IL1RAPL1: variants seen among roughly 807,000 people sequenced by gnomAD.
IL1RAPL1 encodes interleukin 1 receptor accessory protein like 1, also known as interleukin-1 receptor accessory protein-like 1.
IL1RAPL1 carries 3 observed loss-of-function variants against 48.4 expected under a neutral mutation model. The ratio of observed to expected loss-of-function variants is 0.06; its 90% CI spans 0.03 to 0.16. The LOEUF (loss-of-function observed/expected upper bound fraction) is 0.16. IL1RAPL1 is among the 10% of genes least tolerant of loss of function. The pLI, the probability that IL1RAPL1 is intolerant of heterozygous loss-of-function variation, is 1.00. For missense variants in IL1RAPL1, 349 were observed against 530.6 expected (o/e 0.66, Z 3.36); for synonymous variants, 185 against 187.7 (o/e 0.99, Z 0.12).
At chrX:29,271,441 C>T (rs1409602817) in intron 2 of IL1RAPL1, among the ~76,000 whole-genome samples, 1 of 112,522 alleles carries the variant, frequency 8.9e-6, no homozygotes. Context: ...AATCACCACA[C>T]TGCTTTCCAC....
intron 2 of IL1RAPL1, among the ~76,000 whole-genome samples, chrX:29,265,615 TC>T (rs1454120686): frequency 1.8e-5 from 1 of 54,232 alleles, no homozygotes; most frequent in Non-Finnish European, 3.2e-5. Flanking sequence ...ATGCTATCCC[TC>T]CCCCCTCCCC....
At chrX:29,489,533 T>C (rs974290077) in intron 5 of IL1RAPL1, among the ~76,000 whole-genome samples, 1 of 112,273 alleles carries the variant, frequency 8.9e-6, no homozygotes, top group Non-Finnish European at 1.9e-5. Context: ...TTTTACAGAA[T>C]GACAAATGTG....
chrX:29,584,887 A>G (rs111289553), intron 5 of IL1RAPL1, among the ~76,000 whole-genome samples: 15 of 111,979 alleles, frequency 1.3e-4, no homozygotes, highest in Admixed American at 2.8e-4. Context: ...CACTTCACAC[A>G]CAGCTGATCA....
At chrX:29,018,790 A>G (rs112041414) in intron 2 of IL1RAPL1, among the ~76,000 whole-genome samples, 1,339 of 111,993 alleles carry the variant, frequency 0.012, 23 homozygotes, top group African/African-American at 0.042. Context: ...ACAGGCCTAG[A>G]CACAAACCAC....
intron 1 of IL1RAPL1, among the ~76,000 whole-genome samples, chrX:28,737,170 C>T (rs1569161825): frequency 3.8e-4 from 14 of 36,680 alleles, no homozygotes; most frequent in African/African-American, 1.3e-3. Flanking sequence ...TCCTTCCTTC[C>T]TTCCTTCCTT....
At chrX:29,048,278 T>C (rs765926801) in intron 2 of IL1RAPL1, among the ~76,000 whole-genome samples, 3 of 112,362 alleles carry the variant, frequency 2.7e-5, no homozygotes, top group Non-Finnish European at 5.6e-5. Context: ...ACCATCCTAC[T>C]AATAAATATG....
At chrX:29,694,037 C>T (rs778313056) in intron 6 of IL1RAPL1, among the ~76,000 whole-genome samples, 2 of 111,437 alleles carry the variant, frequency 1.8e-5, no homozygotes, top group South Asian at 3.8e-4. Context: ...AAGGAAAACC[C>T]GTACATCAGA....
At chrX:28,764,703 A>G (rs1161085899) in intron 1 of IL1RAPL1, among the ~76,000 whole-genome samples, 2 of 111,635 alleles carry the variant, frequency 1.8e-5, no homozygotes, top group Non-Finnish European at 3.8e-5. Flanking sequence ...GCTTATGATC[A>G]GTGATCATTT....
At chrX:28,865,772 AGT>A (rs1163863823) in intron 2 of IL1RAPL1, among the ~76,000 whole-genome samples, 1 of 112,148 alleles carries the variant, frequency 8.9e-6, no homozygotes, top group Non-Finnish European at 1.9e-5. Flanking sequence ...AAGCTAGGAA[AGT>A]GTCACAGCCC....
chrX:29,191,534 G>C (rs1228602117), intron 2 of IL1RAPL1, among the ~76,000 whole-genome samples: 1 of 111,947 alleles, frequency 8.9e-6, no homozygotes, highest in African/African-American at 3.2e-5. Context: ...AGCCCAGTCA[G>C]AAAAGGAGAT....
chrX:29,737,917 A>G (rs908989801), intron 6 of IL1RAPL1, among the ~76,000 whole-genome samples: 13 of 112,451 alleles, frequency 1.2e-4, no homozygotes, highest in African/African-American at 4.2e-4. Flanking sequence ...ACTTCATTCT[A>G]TGAAGCCTGA....
chrX:29,697,027 C>T, intron 6 of IL1RAPL1, among the ~76,000 whole-genome samples: 1 of 111,699 alleles, frequency 9.0e-6, no homozygotes, highest in Non-Finnish European at 1.9e-5. Flanking sequence ...AGTCATATTC[C>T]AAAGCCTCTG....
intron 1 of IL1RAPL1, among the ~76,000 whole-genome samples, chrX:28,644,992 A>G (rs759392394): frequency 1.8e-5 from 2 of 111,154 alleles, no homozygotes; most frequent in Non-Finnish European, 3.8e-5. Context: ...TGAGCTAAGA[A>G]GAACGGTAAG....
chrX:29,449,738 T>TACAC (rs539577442), intron 5 of IL1RAPL1, among the ~76,000 whole-genome samples: 172 of 63,893 alleles, frequency 2.7e-3, no homozygotes, highest in Middle Eastern at 0.016. Context: ...TACATATGCA[T>TACAC]ACACACACAC....
intron 2 of IL1RAPL1, among the ~76,000 whole-genome samples, chrX:28,906,373 C>T (rs1408517538): frequency 8.9e-6 from 1 of 111,981 alleles, no homozygotes; most frequent in Non-Finnish European, 1.9e-5. Flanking sequence ...GACAAAGGCT[C>T]TGAGTCAGAA....
chrX:28,648,656 G>C (rs1934644542), intron 1 of IL1RAPL1, among the ~76,000 whole-genome samples: 1 of 111,704 alleles, frequency 9.0e-6, no homozygotes, highest in Non-Finnish European at 1.9e-5. Flanking sequence ...ATTTTATTAA[G>C]ATTGGGTATG....
intron 5 of IL1RAPL1, among the ~76,000 whole-genome samples, chrX:29,480,283 C>CATAT (rs756938089): frequency 0.043 from 2,714 of 62,504 alleles, 161 homozygotes; most frequent in African/African-American, 0.22. Context: ...TGTATACACA[C>CATAT]ACATATACAT....
chrX:29,118,289 G>A (rs1928715266), intron 2 of IL1RAPL1, among the ~76,000 whole-genome samples: 1 of 111,931 alleles, frequency 8.9e-6, no homozygotes, highest in African/African-American at 3.2e-5. Context: ...TGTTTTATAG[G>A]TATCATTGTA....
chrX:28,759,606 C>CT (rs1388417034), intron 1 of IL1RAPL1, among the ~76,000 whole-genome samples: 2 of 111,724 alleles, frequency 1.8e-5, no homozygotes, highest in African/African-American at 6.5e-5. Context: ...TTTGGCCTGC[C>CT]TTTTTTCGTA....
Sources: gnomAD v4.1 joint callset for allele counts (sites outside exome capture counted in the v4.1 genomes callset) on GRCh38, gnomAD v4.1.1 for gene constraint, MANE v1.5 for transcripts, NCBI Gene and HGNC (gene_info 2026-07-23, HGNC 2026-07-21) for gene names.